Variants in MEF2C observed in about 807,000 individuals in gnomAD.
MEF2C encodes the protein myocyte-specific enhancer factor 2C.
A neutral mutation model predicts 50.5 loss-of-function variants in MEF2C; 6 were observed. That is an observed-to-expected ratio of 0.12 (90% confidence interval 0.07 to 0.23). The LOEUF is 0.23. Ranked by LOEUF, MEF2C falls within the 10% of genes least tolerant of loss-of-function variation. The pLI is 1.00. For missense variants in MEF2C, 276 were observed against 605.0 expected, an observed-to-expected ratio of 0.46 and a Z score of 5.70; for synonymous variants, 183 against 228.0, an observed-to-expected ratio of 0.80 and a Z score of 1.78.
chr5:88,903,719 T>TAA (rs979366701), intron 1 of MEF2C, among the ~76,000 whole-genome samples: 19 of 147,864 alleles, frequency 1.3e-4, no homozygotes, highest in East Asian at 7.8e-4. Flanking sequence ...GTTTTAAACC[T>TAA]AAAAAAAAAA....
chr5:88,779,314 A>G (rs1338177203), intron 3 of MEF2C, among the ~76,000 whole-genome samples: 1 of 152,204 alleles, frequency 6.6e-6, no homozygotes, highest in Admixed American at 6.5e-5. Flanking sequence ...GTCTGCTTCC[A>G]TGAGGTAATG....
chr5:88,843,812 T>C lies in MEF2C; in HGVS notation c.-142-19882A>G, dbSNP rs200869440. Reference sequence around the variant, plus strand: ...TTGTTTGTTCCTGTGAAACTTTTTTTTTTTTTTTTTTTGAGACGGAGTCTT... The same window carrying C: ...TTGTTTGTTCCTGTGAAACTTTTTTCTTTTTTTTTTTTGAGACGGAGTCTT... On this transcript the variant is annotated intron_variant, in intron 1 of 10. Transcript: ENST00000504921. Among the ~76,000 whole-genome samples the C allele has an allele frequency of 2.7e-5, 4 of 150,824 alleles. No homozygotes were observed. The East Asian group carries it at 7.7e-4, about 29-fold the overall frequency.
chr5:88,888,194 T>C (rs1299915595), intron 1 of MEF2C: 1 of 152,256 alleles, frequency 6.6e-6, no homozygotes, highest in Non-Finnish European at 1.5e-5. Flanking sequence ...TGTTTAACTA[T>C]ACTGAGCACA....
At chr5:88,844,712 C>A in intron 1 of MEF2C, 1 of 383,674 alleles carries the variant, frequency 2.6e-6, no homozygotes, top group South Asian at 1.1e-4. Flanking sequence ...CTCTTTTCCT[C>A]ATGGTTAAAA....
intron 1 of MEF2C, among the ~76,000 whole-genome samples, chr5:88,832,556 C>A (rs1813478132): frequency 6.6e-6 from 1 of 152,074 alleles, no homozygotes; most frequent in African/African-American, 2.4e-5. Flanking sequence ...GTGTGCTACT[C>A]CAGGGAAATG....
intron 1 of MEF2C, among the ~76,000 whole-genome samples, chr5:88,879,932 T>C (rs895122793): frequency 6.6e-6 from 1 of 152,104 alleles, no homozygotes. Flanking sequence ...ATCTGCCTTT[T>C]GTAACGTGCA....
intron 2 of MEF2C, among the ~76,000 whole-genome samples, chr5:88,813,285 A>C (rs1803686369): frequency 6.6e-6 from 1 of 152,136 alleles, no homozygotes. Flanking sequence ...TTACAGCTAG[A>C]ATAAAAAAAG....
At chr5:88,766,428 A>G (rs1186011966) in intron 3 of MEF2C, among the ~76,000 whole-genome samples, 1 of 152,194 alleles carries the variant, frequency 6.6e-6, no homozygotes, top group Non-Finnish European at 1.5e-5. Context: ...TATTCTTTCA[A>G]AAATTATCTC....
chr5:88,844,969 C>T (rs1430776807), intron 1 of MEF2C, among the ~76,000 whole-genome samples: 1 of 152,124 alleles, frequency 6.6e-6, no homozygotes, highest in African/African-American at 2.4e-5. Flanking sequence ...AATGTCTATG[C>T]CTTTCTTATC....
intron 6 of MEF2C, 159 bp downstream of exon 6, chr5:88,748,911 T>C: frequency 2.0e-6 from 2 of 985,442 alleles, no homozygotes; most frequent in Non-Finnish European, 2.4e-6. Context: ...ATTTAACCAC[T>C]CCTGCTTCAG....
chr5:88,724,226 G>C (rs556616458), intron 10 of MEF2C, among the ~76,000 whole-genome samples: 4 of 152,088 alleles, frequency 2.6e-5, no homozygotes, highest in Admixed American at 2.6e-4. Flanking sequence ...GAGAGAATTA[G>C]TTGGCACTAA....
At chr5:88,808,563 C>T (rs1312821909) in intron 2 of MEF2C, among the ~76,000 whole-genome samples, 1 of 152,120 alleles carries the variant, frequency 6.6e-6, no homozygotes, top group African/African-American at 2.4e-5. Flanking sequence ...GCTTCTTCTG[C>T]AATTTAAAAC....
chr5:88,762,464 C>T (rs1317550430), intron 3 of MEF2C, among the ~76,000 whole-genome samples: 1 of 152,036 alleles, frequency 6.6e-6, no homozygotes, highest in Non-Finnish European at 1.5e-5. Context: ...GAATGGGTTT[C>T]TCCATGTTGG....
chr5:88,799,062 G>C (rs182903259), intron 3 of MEF2C, among the ~76,000 whole-genome samples: 1 of 152,180 alleles, frequency 6.6e-6, no homozygotes, highest in African/African-American at 2.4e-5. Flanking sequence ...GAGCTCTCTC[G>C]TATGAGGTGT....
intron 3 of MEF2C, among the ~76,000 whole-genome samples, chr5:88,799,221 A>C (rs1367362705): frequency 6.6e-6 from 1 of 152,158 alleles, no homozygotes; most frequent in Non-Finnish European, 1.5e-5. Context: ...CAGAACATTT[A>C]AGTCTGCTGA....
At chr5:88,783,255 A>T (rs1246104129) in intron 3 of MEF2C, among the ~76,000 whole-genome samples, 1 of 152,160 alleles carries the variant, frequency 6.6e-6, no homozygotes, top group Admixed American at 6.5e-5. Flanking sequence ...GCATTTTATA[A>T]ATGTTTATCC....
chr5:88,765,157 G>A (rs563333274), intron 3 of MEF2C, among the ~76,000 whole-genome samples: 23 of 152,194 alleles, frequency 1.5e-4, no homozygotes, highest in Middle Eastern at 3.4e-3. Context: ...AATATCACCC[G>A]AATCTAAGTA....
At chr5:88,843,282 C>T in intron 1 of MEF2C, 2 of 928,664 alleles carry the variant, frequency 2.2e-6, no homozygotes, top group African/African-American at 1.8e-5. Flanking sequence ...ACTCCATTAT[C>T]CATGTGAGAT....
chr5:88,824,222 T>C (rs1809840209), intron 1 of MEF2C: 1 of 975,552 alleles, frequency 1.0e-6, no homozygotes, highest in Non-Finnish European at 1.2e-6. Context: ...TTGTAAAAAG[T>C]TTCCTAATCT....
Sources: allele counts gnomAD v4.1 joint callset (sites outside exome capture counted in the v4.1 genomes callset), GRCh38; gene constraint gnomAD v4.1.1; transcripts MANE v1.5; gene names NCBI Gene and HGNC (gene_info 2026-07-23, HGNC 2026-07-21).